The following TENM2 variants were observed in gnomAD, a reference collection of about 807,000 sequenced individuals.
TENM2 encodes teneurin transmembrane protein 2.
A neutral mutation model predicts 245.2 loss-of-function variants in TENM2; 52 were observed. That is an observed-to-expected ratio of 0.21 (90% CI 0.17 to 0.27). The LOEUF (loss-of-function observed/expected upper bound fraction) is 0.27. TENM2 is among the 10% of genes least tolerant of loss of function. The probability of loss-of-function intolerance (pLI) is 1.00; values close to 1 mark genes in which losing one functional copy is unlikely to be tolerated. For synonymous variants in TENM2, 1,363 were observed against 1,438.9 expected (o/e 0.95, Z 1.19); for missense variants, 3,046 against 3,666.8 (o/e 0.83, Z 4.37).
chr5:168,034,272 G>T (rs1787461606), intron 5 of TENM2, among the ~76,000 whole-genome samples: 1 of 149,696 alleles, frequency 6.7e-6, no homozygotes, highest in African/African-American at 2.5e-5. Context: ...ACTTGAACCT[G>T]GGAGGGTGCA....
intron 23 of TENM2, among the ~76,000 whole-genome samples, chr5:168,225,082 C>A (rs1764036404): frequency 6.6e-6 from 1 of 152,188 alleles, no homozygotes; most frequent in African/African-American, 2.4e-5. Context: ...ACTGGTGTCC[C>A]TAGACTTACT....
At chr5:168,161,377 A>G (rs1757725988) in intron 12 of TENM2, among the ~76,000 whole-genome samples, 1 of 152,248 alleles carries the variant, frequency 6.6e-6, no homozygotes, top group South Asian at 2.1e-4. Flanking sequence ...AAGTAAATTA[A>G]TGGTCACTGG....
At chr5:167,836,889 T>C (rs1009079697) in intron 2 of TENM2, among the ~76,000 whole-genome samples, 7 of 152,208 alleles carry the variant, frequency 4.6e-5, no homozygotes, top group Admixed American at 2.6e-4. Flanking sequence ...ACTTTGATCA[T>C]GCTCGGTTTT....
the TENM2 span, among the ~76,000 whole-genome samples, chr5:167,152,323 G>A: frequency 3.3e-5 from 5 of 152,086 alleles, no homozygotes; most frequent in African/African-American, 7.2e-5. Context: ...ATGCACATAC[G>A]TGGTTCAAAT....
chr5:167,094,074 A>G, the TENM2 span, among the ~76,000 whole-genome samples: 2 of 152,252 alleles, frequency 1.3e-5, no homozygotes, highest in Admixed American at 6.5e-5. Flanking sequence ...CCATGGGCAC[A>G]TGCCTAGTAA....
At chr5:168,064,322 C>T (rs537277121) in intron 7 of TENM2, among the ~76,000 whole-genome samples, 1 of 152,140 alleles carries the variant, frequency 6.6e-6, no homozygotes, top group Non-Finnish European at 1.5e-5. Context: ...ATCTGGGCAT[C>T]GCTGAGCATA....
chr5:168,092,694 T>C (rs942365076), intron 8 of TENM2, among the ~76,000 whole-genome samples: 3 of 152,162 alleles, frequency 2.0e-5, no homozygotes, highest in Admixed American at 2.0e-4. Flanking sequence ...CAGCTTGAGA[T>C]GTTGAGATTT....
At chr5:167,767,783 C>T (rs1561758237) in intron 2 of TENM2, among the ~76,000 whole-genome samples, 1 of 152,166 alleles carries the variant, frequency 6.6e-6, no homozygotes, top group Non-Finnish European at 1.5e-5. Flanking sequence ...GTATTTTGAA[C>T]TCTGATATAC....
At chr5:168,080,162 G>A (rs1412484560) in intron 7 of TENM2, among the ~76,000 whole-genome samples, 3 of 151,946 alleles carry the variant, frequency 2.0e-5, no homozygotes, top group Non-Finnish European at 1.5e-5. Flanking sequence ...GTCTTGGGAG[G>A]GTGTGTGTGT....
At chr5:167,891,821 C>T (rs1394868313) in intron 3 of TENM2, among the ~76,000 whole-genome samples, 2 of 152,094 alleles carry the variant, frequency 1.3e-5, no homozygotes, top group African/African-American at 4.8e-5. Flanking sequence ...TTCCTTCTGG[C>T]ATTCTGTTTG....
intron 3 of TENM2, among the ~76,000 whole-genome samples, chr5:167,881,670 C>T (rs1327881648): frequency 6.6e-6 from 1 of 152,180 alleles, no homozygotes; most frequent in Non-Finnish European, 1.5e-5. Flanking sequence ...CCTGCGGCTC[C>T]TTCCTGGCAT....
At chr5:167,650,094 G>T (rs1024211920) in intron 2 of TENM2, among the ~76,000 whole-genome samples, 1 of 152,302 alleles carries the variant, frequency 6.6e-6, no homozygotes, top group East Asian at 1.9e-4. Context: ...AAGTAAAAAT[G>T]TCAGTTCCCA....
At chr5:167,171,677 G>A in the TENM2 span, among the ~76,000 whole-genome samples, 4 of 152,178 alleles carry the variant, frequency 2.6e-5, no homozygotes, top group African/African-American at 9.6e-5. Flanking sequence ...CTGGGGAAGA[G>A]CACAGCCACT....
intron 3 of TENM2, among the ~76,000 whole-genome samples, chr5:167,881,764 A>G (rs535539432): frequency 6.6e-6 from 1 of 152,156 alleles, no homozygotes; most frequent in Non-Finnish European, 1.5e-5. Context: ...CCAGCATGTT[A>G]TCTTTGCTGT....
intron 2 of TENM2, among the ~76,000 whole-genome samples, chr5:167,844,862 A>AT (rs1554130023): frequency 6.6e-6 from 1 of 150,848 alleles, no homozygotes; most frequent in African/African-American, 2.4e-5. Context: ...AAAAAAAAAA[A>AT]TCCTTCGTAG....
At chr5:167,056,747 G>C in the TENM2 span, among the ~76,000 whole-genome samples, 1 of 150,054 alleles carries the variant, frequency 6.7e-6, no homozygotes, top group Non-Finnish European at 1.5e-5. Flanking sequence ...ATACCTAGGT[G>C]TTTATTTATT....
At chr5:167,757,097 A>G (rs1762359274) in intron 2 of TENM2, among the ~76,000 whole-genome samples, 1 of 144,922 alleles carries the variant, frequency 6.9e-6, no homozygotes, top group Non-Finnish European at 1.5e-5. Context: ...TTATTTTTAT[A>G]TTTTTAAATT....
At chr5:167,121,426 C>A in the TENM2 span, among the ~76,000 whole-genome samples, 1 of 152,278 alleles carries the variant, frequency 6.6e-6, no homozygotes, top group Non-Finnish European at 1.5e-5. Context: ...AAGAATGCAC[C>A]AGGCTGTGTG....
chr5:167,280,793 T>C (rs1771007931), upstream of TENM2, among the ~76,000 whole-genome samples: 2 of 151,794 alleles, frequency 1.3e-5, no homozygotes, highest in African/African-American at 4.8e-5. Flanking sequence ...TATCTATCTA[T>C]CTATCTATCT....
Sources: gnomAD v4.1 joint callset for allele counts (sites outside exome capture counted in the v4.1 genomes callset) on GRCh38, gnomAD v4.1.1 for gene constraint, MANE v1.5 for transcripts, NCBI Gene and HGNC (gene_info 2026-07-23, HGNC 2026-07-21) for gene names.